RTN3: variants seen among roughly 807,000 people sequenced by gnomAD.
RTN3 encodes reticulon-3.
Under a neutral mutation model 77.8 loss-of-function variants are expected in RTN3, and 49 were observed. The ratio of observed to expected loss-of-function variants is 0.63; its 90% CI spans 0.50 to 0.80. The LOEUF (loss-of-function observed/expected upper bound fraction) is 0.80. RTN3 is among the 30% of genes least tolerant of loss of function. The pLI is 0.00. For missense variants in RTN3, 1,236 were observed against 1,211.9 expected (o/e 1.02, Z -0.29); for synonymous variants, 464 against 446.9 (o/e 1.04, Z -0.48).
chr11:63,702,066 C>T (rs576221369), intron 1 of RTN3, among the ~76,000 whole-genome samples: 4 of 152,108 alleles, frequency 2.6e-5, no homozygotes, highest in Admixed American at 6.5e-5. Context: ...GTACTTATAG[C>T]TATAGCCCTG....
intron 3 of RTN3, among the ~76,000 whole-genome samples, chr11:63,742,041 G>A (rs1161676856): frequency 4.0e-5 from 6 of 148,526 alleles, no homozygotes; most frequent in South Asian, 2.1e-4. Context: ...GTGCAGTGGC[G>A]CGATCTCAGC....
In RTN3 at chr11:63,681,580, C is replaced by T; in HGVS notation, c.-57C>T. 5.3e-6 allele frequency: 8 copies of T among 1,501,350 alleles called. No individual in the cohort carries two copies. The highest frequency in any genetic ancestry group is 1.3e-5 in the South Asian group (1 of 78,212). 93.0% of individuals were successfully genotyped at this position (1,501,350 alleles called of 1,614,324 possible). A position where few individuals can be genotyped will look rare whatever the true frequency, so the allele number is the denominator to read the frequency against. ...GTTGCCGGATTATTCTATTTCCCCT[C>T]CCTCTCTCCCGCCCCGTATCTCTTT... On this transcript the variant is annotated 5_prime_UTR_variant, in exon 1 of 9. Transcript: ENST00000377819.
At chr11:63,742,067 C>T (rs1233073080) in intron 3 of RTN3, among the ~76,000 whole-genome samples, 1 of 150,800 alleles carries the variant, frequency 6.6e-6, no homozygotes, top group Non-Finnish European at 1.5e-5. Flanking sequence ...GCAAGCTCCA[C>T]CTCCTGGGTT....
At chr11:63,704,788 A>C (rs1471535326) in intron 1 of RTN3, 63 bp from the exon 2 acceptor site, 11 of 1,213,360 alleles carry the variant, frequency 9.1e-6, no homozygotes, top group Non-Finnish European at 1.3e-5. Flanking sequence ...CATCAAAAAG[A>C]AAGTTAAAGT....
intron 3 of RTN3, among the ~76,000 whole-genome samples, chr11:63,735,041 T>A (rs572405641): frequency 6.6e-6 from 1 of 152,080 alleles, no homozygotes; most frequent in Admixed American, 6.6e-5. Context: ...AAAAAAAACT[T>A]TTTTTGAGAC....
chr11:63,720,877 T>C lies in RTN3; in HGVS notation c.2375T>C (p.Ile792Thr), dbSNP rs1457815323. The C allele has an allele frequency of 1.2e-6, 2 of 1,614,066 alleles. No individual in the cohort carries two copies. Among genetic ancestry groups the C allele is most frequent in the Non-Finnish European group, 1.7e-6 (2 of 1,180,022 alleles). Residue 792 changes from isoleucine (I) to threonine (T), a missense_variant, in exon 3 of 9, where the codon ATC becomes ACC. By Grantham distance (89) the Ile-to-Thr change is moderately conservative (BLOSUM62 -1). Coordinates refer to ENST00000377819, the MANE Select transcript of RTN3 (RefSeq NM_001265589.2). ...TCTTGGCCACAGAGATCATATGACA[T>C]CCTAGAACGTAATGTCAAGAATGGA... Reference protein sequence around the residue: ...PESWPQRSYDILERNVKNGSD... With the variant: ...PESWPQRSYDTLERNVKNGSD...
intron 3 of RTN3, among the ~76,000 whole-genome samples, chr11:63,734,959 C>T (rs2012984672): frequency 6.6e-6 from 1 of 151,884 alleles, no homozygotes; most frequent in Non-Finnish European, 1.5e-5. Context: ...AGCAGGATTG[C>T]GGGATAGATA....
At position 63,719,390 on chromosome 11, in the gene RTN3, A is replaced by G. The variant is rs2011590994; in HGVS notation, c.888A>G (p.Pro296=). 1 of 1,614,196 alleles carries G rather than the reference A, an allele frequency of 6.2e-7. No individual in the cohort carries two copies. The highest frequency in any genetic ancestry group is 1.6e-4 in the Middle Eastern group (1 of 6,062). Residue 296 remains proline (P), a synonymous_variant, in exon 3 of 9, where the codon CCA becomes CCG. Coordinates refer to ENST00000377819, the MANE Select transcript of RTN3 (RefSeq NM_001265589.2). The part of the protein sequence containing the change: ...DISETNDKLF[P]LRNKEAGRYP... Reference sequence around the variant, plus strand: ...CAGAGACTAATGACAAGCTTTTTCCACTGAGAAATAAAGAGGCAGGACGTT... The same window carrying G: ...CAGAGACTAATGACAAGCTTTTTCCGCTGAGAAATAAAGAGGCAGGACGTT...
At chr11:63,694,616 G>A (rs949484699) in intron 1 of RTN3, among the ~76,000 whole-genome samples, 7 of 151,968 alleles carry the variant, frequency 4.6e-5, no homozygotes, top group African/African-American at 1.7e-4. Flanking sequence ...AGGACTGTAG[G>A]CGTGGCTATT....
rs1188868030 is a variant in RTN3 at position 63,720,966 on chromosome 11, T to C, written c.2464T>C (p.Ser822Pro). 6.2e-7 allele frequency: 1 copy of C among 1,613,784 alleles called. No individual in the cohort carries two copies. Among genetic ancestry groups the C allele is most frequent in the Admixed American group, 1.7e-5 (1 of 59,986 alleles). Reference protein sequence around the residue: ...IRETTRVDAVSSLSKTELVKK... With the variant: ...IRETTRVDAVPSLSKTELVKK... ...AGAAACTACTAGGGTAGATGCTGTTTCCAGCCTTAGCAAGACTGAATTGGT... is the reference window on the plus strand; with the variant it reads ...AGAAACTACTAGGGTAGATGCTGTTCCCAGCCTTAGCAAGACTGAATTGGT... The change falls in exon 3 of 9, where the codon TCC (serine) becomes CCC (proline). Residue 822 changes from serine (S) to proline (P), a missense_variant. This residue lies in a region of RTN3 where 1,056 missense variants were observed against 990.4 expected (regional missense o/e 1.07). Transcript: ENST00000377819.
chr11:63,723,059 G>T (rs974458228), intron 3 of RTN3, among the ~76,000 whole-genome samples: 2 of 152,158 alleles, frequency 1.3e-5, no homozygotes, highest in Non-Finnish European at 2.9e-5. Flanking sequence ...ATTTTGCCCT[G>T]CTTTGTATGT....
intron 3 of RTN3, among the ~76,000 whole-genome samples, chr11:63,739,994 G>T (rs2013360996): frequency 6.6e-6 from 1 of 152,102 alleles, no homozygotes; most frequent in Admixed American, 6.6e-5. Flanking sequence ...TGTGGAATTT[G>T]AGGGGCTGAG....
At chr11:63,755,971 C>CT (rs1181279142) in intron 7 of RTN3, 141 bp from the exon 8 acceptor site, 1 of 553,746 alleles carries the variant, frequency 1.8e-6, no homozygotes. Context: ...AAAAAAAAAA[C>CT]TTTTAAAAAC....
intron 3 of RTN3, among the ~76,000 whole-genome samples, chr11:63,739,682 C>T (rs899218752): frequency 3.9e-5 from 6 of 152,118 alleles, no homozygotes; most frequent in Admixed American, 1.3e-4. Flanking sequence ...CATCCCACGT[C>T]CTTTATCCCA....
At chr11:63,698,237 GC>G (rs1163640254) in intron 1 of RTN3, among the ~76,000 whole-genome samples, 1 of 151,568 alleles carries the variant, frequency 6.6e-6, no homozygotes, top group African/African-American at 2.4e-5. Flanking sequence ...GATCCTTTCA[GC>G]TCAGTCCCCC....
chr11:63,700,885 A>C (rs941801943), intron 1 of RTN3, among the ~76,000 whole-genome samples: 2 of 152,046 alleles, frequency 1.3e-5, no homozygotes, highest in African/African-American at 2.4e-5. Context: ...AGGTCAGGAC[A>C]TCGAGACCAT....
At chr11:63,717,320 A>G (rs2011472259) in intron 2 of RTN3, among the ~76,000 whole-genome samples, 1 of 144,844 alleles carries the variant, frequency 6.9e-6, no homozygotes, top group African/African-American at 2.5e-5. Flanking sequence ...GACTTAACGT[A>G]TTACTTTGAG....
intron 2 of RTN3, among the ~76,000 whole-genome samples, chr11:63,716,979 C>CAAAAAA (rs6144367): frequency 8.3e-6 from 1 of 120,268 alleles, no homozygotes; most frequent in African/African-American, 3.2e-5. Context: ...AAAAAAAAAA[C>CAAAAAA]AAAAAAAAAA....
chr11:63,693,373 C>T (rs1425206825), intron 1 of RTN3, among the ~76,000 whole-genome samples: 5 of 152,118 alleles, frequency 3.3e-5, no homozygotes, highest in Middle Eastern at 6.8e-3. Flanking sequence ...ATCCCAGCTA[C>T]TTGGGAAGGC....
Sources: gnomAD v4.1 joint callset for allele counts (sites outside exome capture counted in the v4.1 genomes callset) on GRCh38, gnomAD v4.1.1 for gene constraint, gnomAD v4.1.1 regional missense constraint, MANE v1.5 for transcripts, NCBI Gene and HGNC (gene_info 2026-07-23, HGNC 2026-07-21) for gene names.